The following PTPN14 variants were observed in gnomAD, a reference collection of about 807,000 sequenced individuals.
The protein encoded by PTPN14 is protein tyrosine phosphatase non-receptor type 14, also known as tyrosine-protein phosphatase non-receptor type 14.
Under a neutral mutation model 126.8 loss-of-function variants are expected in PTPN14, and 53 were observed. The ratio of observed to expected loss-of-function variants is 0.42; its 90% CI spans 0.34 to 0.53. The LOEUF (loss-of-function observed/expected upper bound fraction) is 0.53. Ranked by LOEUF, PTPN14 falls within the 20% of genes least tolerant of loss-of-function variation. The pLI, the probability that PTPN14 is intolerant of heterozygous loss-of-function variation, is 0.08. For missense variants in PTPN14, 1,257 were observed against 1,552.9 expected, an observed-to-expected ratio of 0.81 and a Z score of 3.20; for synonymous variants, 630 against 599.3, an observed-to-expected ratio of 1.05 and a Z score of -0.75.
chr1:214,374,204 T>C (rs1337396249), intron 15 of PTPN14, among the ~76,000 whole-genome samples: 1 of 152,206 alleles, frequency 6.6e-6, no homozygotes, highest in African/African-American at 2.4e-5. Context: ...TGAAACTTTT[T>C]CCCCTCATTT....
At chr1:214,426,032 C>CAAAAAAAAAAA (rs66656875) in intron 3 of PTPN14, among the ~76,000 whole-genome samples, 14 of 33,848 alleles carry the variant, frequency 4.1e-4, no homozygotes, top group East Asian at 1.5e-3. Context: ...GCATAAATCG[C>CAAAAAAAAAAA]AAAAAAAAAA....
intron 3 of PTPN14, among the ~76,000 whole-genome samples, chr1:214,430,765 T>G (rs2102606561): frequency 6.6e-6 from 1 of 152,342 alleles, no homozygotes; most frequent in South Asian, 2.1e-4. Flanking sequence ...CACTGAATAA[T>G]GCCCGTCTCC....
intron 16 of PTPN14, among the ~76,000 whole-genome samples, chr1:214,370,291 A>AG (rs1212996531): frequency 6.6e-6 from 1 of 151,908 alleles, no homozygotes; most frequent in East Asian, 1.9e-4. Flanking sequence ...AAAAAAAAAA[A>AG]AAAAAGAAAA....
intron 1 of PTPN14, among the ~76,000 whole-genome samples, chr1:214,494,248 C>A (rs1183257855): frequency 2.0e-5 from 3 of 152,096 alleles, no homozygotes; most frequent in African/African-American, 7.2e-5. Context: ...TTAGTAGAGA[C>A]AGGGTTTCAC....
At chr1:214,412,972 C>G (rs758336276) in intron 4 of PTPN14, among the ~76,000 whole-genome samples, 1 of 152,154 alleles carries the variant, frequency 6.6e-6, no homozygotes, top group East Asian at 1.9e-4. Flanking sequence ...TGGACTCAGG[C>G]GATCCTCCCA....
At chr1:214,449,006 T>C (rs992527436) in intron 3 of PTPN14, among the ~76,000 whole-genome samples, 1 of 99,250 alleles carries the variant, frequency 1.0e-5, no homozygotes, top group East Asian at 3.1e-4. Context: ...TAAGACTTAA[T>C]TTTTCTTTTT....
At chr1:214,472,339 G>A (rs74139888) in intron 1 of PTPN14, among the ~76,000 whole-genome samples, 13,755 of 151,830 alleles carry the variant, frequency 0.091, 632 homozygotes, top group South Asian at 0.12. Flanking sequence ...TGCCATATGC[G>A]ATGCCTGCTC....
At chr1:214,511,037 C>A (rs946484452) in intron 1 of PTPN14, among the ~76,000 whole-genome samples, 2 of 149,498 alleles carry the variant, frequency 1.3e-5, no homozygotes, top group Non-Finnish European at 2.9e-5. Flanking sequence ...TGCCACCAGG[C>A]CAAACTAAGT....
At chr1:214,434,305 A>C (rs566911195) in intron 3 of PTPN14, among the ~76,000 whole-genome samples, 3 of 152,334 alleles carry the variant, frequency 2.0e-5, no homozygotes, top group African/African-American at 7.2e-5. Context: ...AGCCAAGGAA[A>C]GAGAGGATTT....
Position 214,449,701 on chromosome 1 carries a change from C to T in PTPN14, c.344+2104G>A, listed in dbSNP as rs549826039. Among the ~76,000 whole-genome samples the T allele has an allele frequency of 3.3e-3, 508 of 152,180 alleles. 4 individuals are homozygous for T. The highest frequency in any genetic ancestry group is 6.2e-3 in the Non-Finnish European group (424 of 68,020). ...TGTGAATCAACTTGAAAACAGGGAG[C>T]AATGGTATGCAACAGAGTGCTTTAA... On this transcript the variant is annotated intron_variant, in intron 3 of 18. Coordinates refer to ENST00000366956, the MANE Select transcript of PTPN14 (RefSeq NM_005401.5).
intron 3 of PTPN14, among the ~76,000 whole-genome samples, chr1:214,449,989 C>A (rs996986171): frequency 1.3e-5 from 2 of 151,734 alleles, no homozygotes; most frequent in African/African-American, 4.8e-5. Context: ...AAAATTTAGC[C>A]AGGCTTGGTG....
chr1:214,383,442 C>T lies in PTPN14; in HGVS notation c.2413G>A (p.Gly805Ser), dbSNP rs146980027. 64 of 1,614,096 alleles carry T rather than the reference C, an allele frequency of 4.0e-5. No individual in the cohort carries two copies. The highest frequency in any genetic ancestry group is 5.0e-5 in the Non-Finnish European group (59 of 1,180,056). Residue 805 changes from glycine (G) to serine (S), a missense_variant, in exon 13 of 19, where the codon GGC (glycine) becomes AGC (serine). Coordinates refer to ENST00000366956, the MANE Select transcript of PTPN14 (RefSeq NM_005401.5). The surrounding 1 kb of genome is among the most constrained non-coding windows in gnomAD (Gnocchi z 4.4). ...AGGTCGGGTTCCGAGATGGATGGGCCGAGAGAGGCCCCGTTGACAGCCGGC... is the reference window on the plus strand; with the variant it reads ...AGGTCGGGTTCCGAGATGGATGGGCTGAGAGAGGCCCCGTTGACAGCCGGC... Reference protein sequence around the residue: ...DPPAVNGASLGPSISEPDLTS... With the variant: ...DPPAVNGASLSPSISEPDLTS...
rs770524839 is a variant in PTPN14 at position 214,357,913 on chromosome 1, T to C, written c.*9A>G. 5.6e-6 allele frequency: 9 copies of C among 1,607,424 alleles called. No homozygotes were observed. Among genetic ancestry groups the C allele is most frequent in the Non-Finnish European group, 6.8e-6 (8 of 1,175,252 alleles). On this transcript the variant is annotated 3_prime_UTR_variant, in exon 19 of 19. Transcript: ENST00000366956. ...CTGGGTCCCTCCTCCAGGAGCTGGATTGGGGTGATTAAATGAGTCTGGAGT... is the reference window on the plus strand; with the variant it reads ...CTGGGTCCCTCCTCCAGGAGCTGGACTGGGGTGATTAAATGAGTCTGGAGT...
intron 1 of PTPN14, among the ~76,000 whole-genome samples, chr1:214,493,128 T>G (rs998726297): frequency 1.3e-5 from 2 of 152,100 alleles, no homozygotes; most frequent in Non-Finnish European, 2.9e-5. Context: ...AGGCCCAAAT[T>G]GGGCTGGCTG....
Position 214,355,957 on chromosome 1 carries a change from T to TC in PTPN14, c.*1964dup, listed in dbSNP as rs1276013894. On this transcript the variant is annotated 3_prime_UTR_variant, in exon 19 of 19. Transcript: ENST00000366956. ...TCTAGTTTTTCTTGACAACCTTTTT[T>TC]CCTTTTTTTTTTTTTTTTTTGGAGG... 7.9e-6 allele frequency: 1 copy of TC among 126,164 alleles called. No homozygotes were observed. Among genetic ancestry groups the TC allele is most frequent in the Non-Finnish European group, 1.6e-5 (1 of 63,324 alleles). The allele number at this position is 126,164 out of a possible 1,614,324, so 7.8% of individuals were successfully genotyped here.
chr1:214,521,831 C>A (rs1333644097), intron 1 of PTPN14, among the ~76,000 whole-genome samples: 2 of 150,250 alleles, frequency 1.3e-5, no homozygotes, highest in Admixed American at 6.6e-5. Context: ...AGAACTGATG[C>A]AGCACATCCC....
rs959369920 is a variant in PTPN14, at chr1:214,509,838, G to C, written c.-155+41345C>G. Among the ~76,000 whole-genome samples the C allele has an allele frequency of 2.0e-5, 3 of 152,192 alleles. No homozygotes were observed. The South Asian group carries it at 6.2e-4, about 32-fold the overall frequency. The stretch of plus-strand genomic sequence containing the variant: ...AAAGGATGAGTTCACGTCCTTTGTA[G>C]GGACATGGATGAAGCTGGAAACTAT... On this transcript the variant is annotated intron_variant, in intron 1 of 18. Transcript: ENST00000366956.
At chr1:214,401,642 C>T (rs374111946) in intron 7 of PTPN14, 43 bp downstream of exon 7, 34 of 1,446,206 alleles carry the variant, frequency 2.4e-5, no homozygotes, top group Middle Eastern at 1.8e-4. Flanking sequence ...ATGCCAGTAC[C>T]GGTCTGAGAA....
intron 3 of PTPN14, among the ~76,000 whole-genome samples, chr1:214,416,374 T>C (rs1659426592): frequency 6.6e-6 from 1 of 152,228 alleles, no homozygotes; most frequent in South Asian, 2.1e-4. Flanking sequence ...AGATTATTTA[T>C]TAGAGAATAC....
Sources: allele counts gnomAD v4.1 joint callset (sites outside exome capture counted in the v4.1 genomes callset), GRCh38; gene constraint gnomAD v4.1.1; non-coding constraint Gnocchi (gnomAD v3.1); transcripts MANE v1.5; gene names NCBI Gene and HGNC (gene_info 2026-07-23, HGNC 2026-07-21).